PSG4: variants seen among roughly 807,000 people sequenced by gnomAD.
PSG4 encodes pregnancy specific beta-1-glycoprotein 4, also known as pregnancy-specific beta-1-glycoprotein 4.
PSG4 carries 61 observed loss-of-function variants against 44.3 expected under a neutral mutation model. That is an observed-to-expected ratio of 1.38 (90% CI 1.12 to 1.70). The LOEUF (loss-of-function observed/expected upper bound fraction) is 1.70. PSG4 is among the 40% of genes most tolerant of loss of function. The pLI is 0.00. For synonymous variants in PSG4, 248 were observed against 191.3 expected, an observed-to-expected ratio of 1.30 and a Z score of -2.45; for missense variants, 677 against 511.7, an observed-to-expected ratio of 1.32 and a Z score of -3.12.
At position 43,196,974 on chromosome 19, in the gene PSG4, A is replaced by G. The variant is rs961182296; in HGVS notation, c.709+1023T>C. On this transcript the variant is annotated intron_variant, in intron 3 of 5. Transcript: ENST00000405312. ...GATTCTTCCAATCCATGAAAATGAA[A>G]TGTCTTTCCATATATTGATATCGTC... 4.8e-5 allele frequency: 7 copies of G among 146,736 alleles called. 1 individual carries two copies. The East Asian group carries it at 9.2e-4, about 19-fold the overall frequency. The allele number at this position is 146,736 out of a possible 1,614,324, so 9.1% of individuals were successfully genotyped here.
chr19:43,203,769 G>T, intron 2 of PSG4, 117 bp downstream of exon 2: 2 of 1,490,366 alleles, frequency 1.3e-6, no homozygotes, highest in Non-Finnish European at 1.8e-6. Context: ...CCAAACCCCA[G>T]CATGGGACTT....
At chr19:43,196,800 T>A (rs1183308987) in intron 3 of PSG4, 3 of 151,030 alleles carry the variant, frequency 2.0e-5, no homozygotes, top group Non-Finnish European at 4.4e-5. Context: ...TTCTCAGTGT[T>A]TCTGTTGTGG....
At chr19:43,193,711 A>G in intron 5 of PSG4, 1 of 540,582 alleles carries the variant, frequency 1.8e-6, no homozygotes, top group Non-Finnish European at 3.3e-6. Flanking sequence ...ACCAAGGCTG[A>G]CTTCAGACTT....
rs1967727056 is a variant in PSG4, at chr19:43,205,229, T to A, written c.64+244A>T. Among the ~76,000 whole-genome samples, 5 of 141,094 alleles carry A rather than the reference T, an allele frequency of 3.5e-5. 1 individual carries two copies. The South Asian group carries it at 8.9e-4, about 25-fold the overall frequency. 92.6% of individuals were successfully genotyped at this position (141,094 alleles called of 152,430 possible). On this transcript the variant is annotated intron_variant, in intron 1 of 5. Transcript: ENST00000405312. ...TGCACGTGATTCTCCTGCCACAGCC[T>A]CCTGAGTAGCTATGATTACAGGAGC... is the stretch of plus-strand genomic sequence containing the variant.
rs1213126695 is a variant in PSG4, at chr19:43,198,109, G to T, written c.597C>A (p.Asn199Lys). Residue 199 changes from asparagine to lysine, a missense_variant, in exon 3 of 6, where the codon AAC becomes AAA. Asn to Lys is a moderately conservative substitution (Grantham distance 94). Transcript: ENST00000405312. ...MTHRLQLSKT[N>K]RTLFIFGVTK... is the part of the protein sequence containing the mutation. Reference sequence around the variant, plus strand: ...TGACACCAAATATAAAGAGGGTCCTGTTGGTTTTGGACAGCTGCAACCTGT... The same window carrying T: ...TGACACCAAATATAAAGAGGGTCCTTTTGGTTTTGGACAGCTGCAACCTGT... 9.4e-6 allele frequency: 15 copies of T among 1,587,838 alleles called. 1 individual carries two copies. In the African/African-American group the frequency reaches 1.9e-4, roughly 20 times the overall value.
intron 2 of PSG4, among the ~76,000 whole-genome samples, chr19:43,199,959 C>G (rs1188065133): frequency 6.9e-6 from 1 of 144,688 alleles, no homozygotes; most frequent in South Asian, 2.2e-4. Flanking sequence ...CTGGTCAGTG[C>G]GTCAATTACA....
In PSG4 at chr19:43,197,678, C is replaced by T. The variant is rs1967309812; in HGVS notation, c.709+319G>A. 4.5e-6 allele frequency: 2 copies of T among 439,888 alleles called. 1 individual carries two copies. Among genetic ancestry groups the T allele is most frequent in the Admixed American group, 7.4e-5 (2 of 26,848 alleles). The allele number at this position is 439,888 out of a possible 1,614,324, so 27.2% of individuals were successfully genotyped here. A position where few individuals can be genotyped will look rare whatever the true frequency, so the allele number is the denominator to read the frequency against. ...GGTCTGTGGAAGGGCCACAGTGACCCTGTGAGCCAAGTCGCAACACTGAAG... is the reference window on the plus strand; with the variant it reads ...GGTCTGTGGAAGGGCCACAGTGACCTTGTGAGCCAAGTCGCAACACTGAAG... On this transcript the variant is annotated intron_variant, in intron 3 of 5. Transcript: ENST00000405312.
chr19:43,202,425 C>G (rs1599779518), intron 2 of PSG4, among the ~76,000 whole-genome samples: 1 of 144,750 alleles, frequency 6.9e-6, no homozygotes, highest in Non-Finnish European at 1.5e-5. Flanking sequence ...GTGTCAGCCT[C>G]TGAAGGACAA....
At position 43,201,855 on chromosome 19, in the gene PSG4, G is replaced by A. The variant is rs1448580345; in HGVS notation, c.430+2031C>T. 4.2e-5 allele frequency among the ~76,000 whole-genome samples: 6 copies of A among 143,422 alleles called. 1 individual carries two copies. The highest frequency in any genetic ancestry group is 9.0e-5 in the Non-Finnish European group (6 of 66,760). The allele number at this position is 143,422 out of a possible 152,430, so 94.1% of individuals were successfully genotyped here. On this transcript the variant is annotated intron_variant, in intron 2 of 5. Coordinates refer to ENST00000405312, the MANE Select transcript of PSG4 (RefSeq NM_002780.5). ...TGTGTGTGTGTGCAGAAGGCCAGAA[G>A]AACTTGTCTGGCAATTATGAGTGGA...
At position 43,195,265 on chromosome 19, in the gene PSG4, A is replaced by G. The variant is rs3859474; in HGVS notation, c.718T>C (p.Ser240Pro). ...TTGTTGATTGTGATGTAGGGCTTGGACAGCTTTGCTGTGTGGATAACAGAG... is the reference window on the plus strand; with the variant it reads ...TTGTTGATTGTGATGTAGGGCTTGGGCAGCTTTGCTGTGTGGATAACAGAG... ...PVTLNLLPKL[S>P]KPYITINNLN... Residue 240 changes from serine to proline, a missense_variant, in exon 4 of 6, where the codon TCC becomes CCC. By Grantham distance (74) the Ser-to-Pro change is moderately conservative. Coordinates refer to ENST00000405312, the MANE Select transcript of PSG4 (RefSeq NM_002780.5). 0.42 allele frequency: 679,156 copies of G among 1,608,424 alleles called. 165,743 individuals are homozygous for G. The highest frequency in any genetic ancestry group is 0.95 in the East Asian group (42,682 of 44,844).
intron 3 of PSG4, 149 bp downstream of exon 3, chr19:43,197,848 G>T (rs9331451): frequency 0.25 from 359,925 of 1,438,990 alleles, 65,659 homozygotes; most frequent in East Asian, 0.9. Context: ...GCCTACTCTG[G>T]TTTGCCTGGG....
intron 2 of PSG4, among the ~76,000 whole-genome samples, chr19:43,201,004 C>T (rs1424016202): frequency 6.8e-6 from 1 of 146,008 alleles, no homozygotes; most frequent in African/African-American, 2.6e-5. Flanking sequence ...AGCTGCATAG[C>T]AGGTTGAGGA....
In PSG4 at chr19:43,204,309, T is replaced by G. The variant is rs775111533; in HGVS notation, c.65-58A>C. On this transcript the variant is annotated intron_variant, in intron 1 of 5. Coordinates refer to ENST00000405312, the MANE Select transcript of PSG4 (RefSeq NM_002780.5). Reference sequence around the variant, plus strand: ...AGACCTATGTATTGGGGTGAAAAGATGGGTCCTGAGAAGGTCTCTTCAATC... The same window carrying G: ...AGACCTATGTATTGGGGTGAAAAGAGGGGTCCTGAGAAGGTCTCTTCAATC... The G allele has an allele frequency of 3.0e-4, 445 of 1,489,414 alleles. 37 individuals are homozygous for G. The highest frequency in any genetic ancestry group is 3.8e-4 in the Non-Finnish European group (421 of 1,113,200). The allele number at this position is 1,489,414 out of a possible 1,614,324, so 92.3% of individuals were successfully genotyped here. A position where few individuals can be genotyped will look rare whatever the true frequency, so the allele number is the denominator to read the frequency against.
Position 43,198,618 on chromosome 19 carries a change from C to T in PSG4, c.431-343G>A, listed in dbSNP as rs149181689. The T allele has an allele frequency of 3.7e-4, 109 of 296,656 alleles. 12 individuals are homozygous for T. In the East Asian group the frequency reaches 6.1e-3, roughly 16 times the overall value. The allele number at this position is 296,656 out of a possible 1,614,324, so 18.4% of individuals were successfully genotyped here. A position where few individuals can be genotyped will look rare whatever the true frequency, so the allele number is the denominator to read the frequency against. ...CCCACCTTGTGGTCCTCACTTGGAG[C>T]ATGCAGTGCTGGAATCTTCTTAGTT... On this transcript the variant is annotated intron_variant, in intron 2 of 5. Transcript: ENST00000405312.
At chr19:43,205,292 A>G (rs1359349224) in intron 1 of PSG4, among the ~76,000 whole-genome samples, 181 bp downstream of exon 1, 1 of 142,346 alleles carries the variant, frequency 7.0e-6, no homozygotes, top group Non-Finnish European at 1.5e-5. Context: ...TGTTTTTAGT[A>G]GAGACAGGGC....
chr19:43,200,661 C>T (rs1362284616), intron 2 of PSG4, among the ~76,000 whole-genome samples: 1 of 145,128 alleles, frequency 6.9e-6, no homozygotes, highest in African/African-American at 2.6e-5. Context: ...CTGCAAGCTC[C>T]ACCTCCTGGG....
rs1350686087 is a variant in PSG4 at position 43,204,693 on chromosome 19, T to TACCCC, written c.65-443_65-442insGGGGT. On this transcript the variant is annotated intron_variant, in intron 1 of 5. Coordinates refer to ENST00000405312, the MANE Select transcript of PSG4 (RefSeq NM_002780.5). ...TTCTAGATCACTTAGCATGTCTGTCTTCCCCCCACGATGACTGTGTGAGCT... is the reference window on the plus strand; with the variant it reads ...TTCTAGATCACTTAGCATGTCTGTCTACCCCTCCCCCCACGATGACTGTGTGAGCT... 8.0e-5 allele frequency: 12 copies of TACCCC among 149,542 alleles called. 1 individual carries two copies. Among genetic ancestry groups the TACCCC allele is most frequent in the African/African-American group, 8.0e-4 (10 of 12,560 alleles). The allele number at this position is 149,542 out of a possible 1,614,324, so 9.3% of individuals were successfully genotyped here.
At chr19:43,195,389 C>T (rs1424951080) in intron 3 of PSG4, 116 bp from the exon 4 acceptor site, 6 of 1,470,696 alleles carry the variant, frequency 4.1e-6, no homozygotes, top group South Asian at 1.3e-5. Flanking sequence ...CCTTGAAAGC[C>T]AATAGCTGGT....
chr19:43,194,580 G>A lies in PSG4; in HGVS notation c.1003C>T (p.Pro335Ser). Residue 335 changes from proline to serine, a missense_variant, in exon 5 of 6, where the codon CCC becomes TCC. Pro to Ser is a moderately conservative substitution (Grantham distance 74, BLOSUM62 -1). Coordinates refer to ENST00000405312, the MANE Select transcript of PSG4 (RefSeq NM_002780.5). ...TLNVLYGPDL[P>S]SIYPSFTYYR... Reference sequence around the variant, plus strand: ...TAGGTGAATGAAGGGTAAATGCTGGGGAGGTCTGGACCATCTGGCGCAAAG... The same window carrying A: ...TAGGTGAATGAAGGGTAAATGCTGGAGAGGTCTGGACCATCTGGCGCAAAG... The A allele has an allele frequency of 1.2e-6, 2 of 1,611,546 alleles. No homozygotes were observed. Among genetic ancestry groups the A allele is most frequent in the Non-Finnish European group, 1.7e-6 (2 of 1,178,550 alleles).
Sources: allele counts gnomAD v4.1 joint callset (sites outside exome capture counted in the v4.1 genomes callset), GRCh38; gene constraint gnomAD v4.1.1; transcripts MANE v1.5; gene names NCBI Gene and HGNC (gene_info 2026-07-23, HGNC 2026-07-21).